Variants in RABGAP1L observed in about 807,000 individuals in gnomAD.
RABGAP1L encodes rab GTPase-activating protein 1-like.
In RABGAP1L, 63 loss-of-function variants were observed where a neutral mutation model predicts 137.7. That is an observed-to-expected ratio of 0.46 (90% CI 0.37 to 0.56). The LOEUF (loss-of-function observed/expected upper bound fraction) is 0.56. Ranked by LOEUF, RABGAP1L falls within the 20% of genes least tolerant of loss-of-function variation. RABGAP1L has a pLI of 0.00. For synonymous variants in RABGAP1L, 431 were observed against 433.7 expected (o/e 0.99, Z 0.08); for missense variants, 1,095 against 1,244.0 (o/e 0.88, Z 1.80).
intron 1 of RABGAP1L, among the ~76,000 whole-genome samples, chr1:174,176,943 G>T (rs1477221467): frequency 6.6e-6 from 1 of 151,956 alleles, no homozygotes; most frequent in Admixed American, 6.6e-5. Flanking sequence ...GGGCATGGTG[G>T]TGGGCGCCTG....
chr1:174,827,567 G>A (rs924078855), intron 19 of RABGAP1L, among the ~76,000 whole-genome samples: 1 of 147,828 alleles, frequency 6.8e-6, no homozygotes, highest in African/African-American at 2.5e-5. Flanking sequence ...TTGCTTGGCA[G>A]CTCTGAGCTA....
intron 14 of RABGAP1L, among the ~76,000 whole-genome samples, chr1:174,654,269 T>G (rs1196492188): frequency 6.6e-6 from 1 of 152,198 alleles, no homozygotes; most frequent in African/African-American, 2.4e-5. Context: ...GGAATGATTT[T>G]ACAGCATAGC....
chr1:174,888,291 T>C (rs1655526375), intron 19 of RABGAP1L, among the ~76,000 whole-genome samples: 1 of 152,168 alleles, frequency 6.6e-6, no homozygotes, highest in Non-Finnish European at 1.5e-5. Flanking sequence ...TAAATTTCAG[T>C]TAGAGGTTCA....
chr1:174,690,204 T>C (rs913633028), intron 15 of RABGAP1L, among the ~76,000 whole-genome samples: 2 of 152,220 alleles, frequency 1.3e-5, no homozygotes, highest in African/African-American at 4.8e-5. Context: ...GTTTAATACC[T>C]TTCAAGTTAT....
intron 24 of RABGAP1L, among the ~76,000 whole-genome samples, chr1:174,987,698 T>C (rs1671714278): frequency 6.6e-6 from 1 of 152,240 alleles, no homozygotes; most frequent in Non-Finnish European, 1.5e-5. Context: ...TTTATCTCTA[T>C]TGAATTATTT....
At chr1:174,355,562 A>G (rs1683560951) in intron 11 of RABGAP1L, among the ~76,000 whole-genome samples, 1 of 151,930 alleles carries the variant, frequency 6.6e-6, no homozygotes, top group South Asian at 2.1e-4. Context: ...ATGTATACAT[A>G]TGTAACTAAC....
At position 174,756,362 on chromosome 1, in the gene RABGAP1L, C is replaced by T. The variant is rs557005031; in HGVS notation, c.2211+4008C>T. ...ACGGGGTTTCACCATGTTGGCCAGGCTGGTCTCGAACTCCTAACCTCAGGT... is the reference window on the plus strand; with the variant it reads ...ACGGGGTTTCACCATGTTGGCCAGGTTGGTCTCGAACTCCTAACCTCAGGT... On this transcript the variant is annotated intron_variant, in intron 18 of 25. Transcript: ENST00000681986. Among the ~76,000 whole-genome samples, 337 of 152,182 alleles carry T rather than the reference C, an allele frequency of 2.2e-3. 2 individuals are homozygous for T. Among genetic ancestry groups the T allele is most frequent in the Non-Finnish European group, 2.7e-3 (184 of 68,014 alleles).
At chr1:174,398,359 C>A (rs1230016834) in intron 13 of RABGAP1L, among the ~76,000 whole-genome samples, 1 of 152,060 alleles carries the variant, frequency 6.6e-6, no homozygotes, top group Non-Finnish European at 1.5e-5. Context: ...GCTCAAAACC[C>A]CAGTGCTGTA....
chr1:174,365,424 A>G (rs760677243), intron 11 of RABGAP1L: 5 of 152,082 alleles, frequency 3.3e-5, no homozygotes, highest in Non-Finnish European at 5.9e-5. Flanking sequence ...CAGTCTTTGC[A>G]TTCTAGATGC....
intron 13 of RABGAP1L, among the ~76,000 whole-genome samples, chr1:174,578,833 A>G (rs1400376138): frequency 6.6e-6 from 1 of 152,156 alleles, no homozygotes; most frequent in African/African-American, 2.4e-5. Flanking sequence ...ACTGCAGTCA[A>G]TATGATTTTC....
At chr1:174,578,448 A>G (rs946818054) in intron 13 of RABGAP1L, among the ~76,000 whole-genome samples, 3 of 152,140 alleles carry the variant, frequency 2.0e-5, no homozygotes, top group Non-Finnish European at 2.9e-5. Flanking sequence ...TGCTGGGATT[A>G]CAGGTGTGAG....
intron 19 of RABGAP1L, among the ~76,000 whole-genome samples, chr1:174,834,080 A>G (rs1397750623): frequency 6.6e-6 from 1 of 152,202 alleles, no homozygotes; most frequent in Non-Finnish European, 1.5e-5. Flanking sequence ...GTAGGAAAAT[A>G]AGGAGCATTT....
intron 13 of RABGAP1L, chr1:174,548,521 A>G (rs575036959): frequency 1.0e-6 from 1 of 960,302 alleles, no homozygotes; most frequent in African/African-American, 1.8e-5. Context: ...AAATGAAATT[A>G]TTCTGTAAGT....
chr1:174,292,439 T>C (rs2148722914), intron 10 of RABGAP1L, among the ~76,000 whole-genome samples: 1 of 150,474 alleles, frequency 6.6e-6, no homozygotes, highest in South Asian at 2.1e-4. Context: ...TCCATGAACC[T>C]TAATATATTG....
chr1:174,501,116 C>G (rs189659577), intron 13 of RABGAP1L, among the ~76,000 whole-genome samples: 28 of 152,208 alleles, frequency 1.8e-4, no homozygotes, highest in Admixed American at 1.6e-3. Flanking sequence ...AGTCAAAAAT[C>G]TAGGGCAAGG....
intron 18 of RABGAP1L, among the ~76,000 whole-genome samples, chr1:174,791,438 C>A (rs576125545): frequency 5.3e-5 from 8 of 152,210 alleles, no homozygotes; most frequent in Admixed American, 2.0e-4. Context: ...CAATTCACAA[C>A]TTACTAGGAT....
At chr1:174,965,932 G>A (rs577615079) in intron 20 of RABGAP1L, among the ~76,000 whole-genome samples, 1 of 152,284 alleles carries the variant, frequency 6.6e-6, no homozygotes, top group African/African-American at 2.4e-5. Context: ...CTGTAAGGAA[G>A]GGTTTCAGTT....
At chr1:174,293,884 C>G (rs545604465) in intron 10 of RABGAP1L, among the ~76,000 whole-genome samples, 2 of 152,056 alleles carry the variant, frequency 1.3e-5, no homozygotes, top group African/African-American at 4.8e-5. Context: ...AAACAATATA[C>G]TGGTAAAAAT....
chr1:174,803,473 A>G (rs1344636495), intron 18 of RABGAP1L, among the ~76,000 whole-genome samples: 3 of 152,218 alleles, frequency 2.0e-5, no homozygotes, highest in African/African-American at 7.2e-5. Flanking sequence ...TCCCTTTTCT[A>G]AAGCCTGTGC....
Sources: allele counts gnomAD v4.1 joint callset (sites outside exome capture counted in the v4.1 genomes callset), GRCh38; gene constraint gnomAD v4.1.1; transcripts MANE v1.5; gene names NCBI Gene and HGNC (gene_info 2026-07-23, HGNC 2026-07-21).